MAGI1: variants seen among roughly 807,000 people sequenced by gnomAD.
MAGI1 encodes the protein membrane-associated guanylate kinase, WW and PDZ domain-containing protein 1.
A neutral mutation model predicts 139.9 loss-of-function variants in MAGI1; 58 were observed. The ratio of observed to expected loss-of-function variants is 0.41; its 90% CI spans 0.34 to 0.52. The LOEUF (loss-of-function observed/expected upper bound fraction) is 0.52, where lower values mean the gene tolerates loss of function less well. Ranked by LOEUF, MAGI1 falls within the 20% of genes least tolerant of loss-of-function variation. MAGI1 has a pLI of 0.12. For missense variants in MAGI1, 1,874 were observed against 1,901.6 expected (o/e 0.99, Z 0.27); for synonymous variants, 812 against 737.9 (o/e 1.10, Z -1.63).
intron 2 of MAGI1, among the ~76,000 whole-genome samples, chr3:65,531,051 C>T (rs972537192): frequency 6.6e-6 from 1 of 151,576 alleles, no homozygotes; most frequent in African/African-American, 2.4e-5. Context: ...ATGTGTAATG[C>T]TTAACAAAGT....
chr3:66,033,011 C>G (rs1347760059), intron 1 of MAGI1, among the ~76,000 whole-genome samples: 1 of 151,204 alleles, frequency 6.6e-6, no homozygotes, highest in Middle Eastern at 3.2e-3. Flanking sequence ...GGGAATGGCA[C>G]TTTACTCAGG....
intron 10 of MAGI1, among the ~76,000 whole-genome samples, chr3:65,432,416 G>C (rs1446639779): frequency 2.0e-5 from 3 of 152,170 alleles, no homozygotes; most frequent in Admixed American, 1.3e-4. Context: ...TTTTTGGTTA[G>C]TTATATCTAA....
intron 4 of MAGI1, among the ~76,000 whole-genome samples, chr3:65,472,927 G>A (rs932994479): frequency 1.3e-5 from 2 of 152,146 alleles, no homozygotes; most frequent in Admixed American, 6.5e-5. Flanking sequence ...TCATGATTAC[G>A]GACACTGACC....
chr3:65,493,071 C>T (rs1371504653), intron 3 of MAGI1, among the ~76,000 whole-genome samples: 1 of 127,110 alleles, frequency 7.9e-6, no homozygotes, highest in South Asian at 2.7e-4. Flanking sequence ...GAGCGAGACT[C>T]CGTCTCAAAA....
At chr3:65,828,768 C>T (rs542874235) in intron 1 of MAGI1, among the ~76,000 whole-genome samples, 3 of 152,242 alleles carry the variant, frequency 2.0e-5, no homozygotes, top group African/African-American at 4.8e-5. Flanking sequence ...CCTAGTCGGG[C>T]GGATCTAATC....
chr3:65,382,123 C>T, intron 15 of MAGI1, 54 bp from the exon 16 acceptor site: 9 of 1,381,156 alleles, frequency 6.5e-6, no homozygotes, highest in Non-Finnish European at 9.0e-6. Flanking sequence ...TTTACTGTTA[C>T]ATCAATAGCC....
chr3:65,764,474 G>T (rs564909168), intron 1 of MAGI1, among the ~76,000 whole-genome samples: 2 of 152,150 alleles, frequency 1.3e-5, no homozygotes, highest in Non-Finnish European at 2.9e-5. Flanking sequence ...GTTTTCAAAA[G>T]AACCAACATT....
intron 1 of MAGI1, among the ~76,000 whole-genome samples, chr3:65,666,240 C>G (rs2086513931): frequency 1.3e-5 from 2 of 152,152 alleles, no homozygotes; most frequent in African/African-American, 4.8e-5. Flanking sequence ...TCACAATGTA[C>G]TATTATCTTA....
chr3:65,471,392 C>T (rs546215051), intron 4 of MAGI1, among the ~76,000 whole-genome samples: 2 of 152,288 alleles, frequency 1.3e-5, no homozygotes, highest in Non-Finnish European at 2.9e-5. Flanking sequence ...GTAGACATTT[C>T]TGATTTAGCA....
chr3:65,430,647 C>A, intron 11 of MAGI1, 52 bp downstream of exon 11: 1 of 1,565,972 alleles, frequency 6.4e-7, no homozygotes. Context: ...ATGTTTATCT[C>A]CTGGATTGGA....
intron 1 of MAGI1, among the ~76,000 whole-genome samples, chr3:65,641,628 G>T (rs1300828657): frequency 6.6e-6 from 1 of 152,168 alleles, no homozygotes; most frequent in Non-Finnish European, 1.5e-5. Flanking sequence ...TCTGAACCAG[G>T]TGCAGAGAGT....
intron 2 of MAGI1, among the ~76,000 whole-genome samples, chr3:65,611,267 T>C (rs111215378): frequency 7.1e-6 from 1 of 141,712 alleles, no homozygotes; most frequent in Non-Finnish European, 1.5e-5. Flanking sequence ...ATATAGTATA[T>C]ATACTATAAA....
At chr3:65,538,174 T>A (rs548951065) in intron 2 of MAGI1, among the ~76,000 whole-genome samples, 1 of 152,264 alleles carries the variant, frequency 6.6e-6, no homozygotes, top group South Asian at 2.1e-4. Context: ...ATGTAAACAG[T>A]TATGTTTACA....
At chr3:65,595,031 GA>G (rs1318434940) in intron 2 of MAGI1, among the ~76,000 whole-genome samples, 30 of 152,178 alleles carry the variant, frequency 2.0e-4, no homozygotes, top group African/African-American at 6.0e-4. Context: ...GGGTCAAAGA[GA>G]AATTACAATT....
intron 2 of MAGI1, among the ~76,000 whole-genome samples, chr3:65,544,195 G>GAATAAAATAAAAT (rs2079393050): frequency 1.3e-5 from 2 of 152,054 alleles, no homozygotes; most frequent in Admixed American, 1.3e-4. Flanking sequence ...AATAAATGAT[G>GAATAAAATAAAAT]ACTACTTTAT....
chr3:65,596,452 T>G (rs930217937), intron 2 of MAGI1, among the ~76,000 whole-genome samples: 4 of 152,206 alleles, frequency 2.6e-5, no homozygotes, highest in African/African-American at 9.7e-5. Flanking sequence ...AGTCTCCTAA[T>G]TGATTCTCAG....
chr3:65,878,446 G>T (rs1219279594), intron 1 of MAGI1, among the ~76,000 whole-genome samples: 1 of 149,132 alleles, frequency 6.7e-6, no homozygotes, highest in Non-Finnish European at 1.5e-5. Context: ...AACCTGGGAA[G>T]CAGAGGTTGC....
chr3:65,579,847 CA>C (rs11398879), intron 2 of MAGI1, among the ~76,000 whole-genome samples: 8,810 of 122,852 alleles, frequency 0.072, 319 homozygotes, highest in East Asian at 0.17. Flanking sequence ...AACTCCATCT[CA>C]AAAAAAAAAA....
chr3:65,565,839 A>T (rs2080593550), intron 2 of MAGI1, among the ~76,000 whole-genome samples: 2 of 138,350 alleles, frequency 1.4e-5, no homozygotes, highest in African/African-American at 5.3e-5. Flanking sequence ...ACTGGGCGAC[A>T]GGGCGAGACT....
Sources: allele counts gnomAD v4.1 joint callset (sites outside exome capture counted in the v4.1 genomes callset), GRCh38; gene constraint gnomAD v4.1.1; transcripts MANE v1.5; gene names NCBI Gene and HGNC (gene_info 2026-07-23, HGNC 2026-07-21).